The following PCDH15 variants were observed in gnomAD, a reference collection of about 807,000 sequenced individuals.
PCDH15 encodes the protein protocadherin related 15, also known as protocadherin-15.
PCDH15 carries 129 observed loss-of-function variants against 178.5 expected under a neutral mutation model. That is an observed-to-expected ratio of 0.72 (90% confidence interval 0.63 to 0.84). The LOEUF (loss-of-function observed/expected upper bound fraction) is 0.84, where lower values mean the gene tolerates loss of function less well. PCDH15 is among the 40% of genes least tolerant of loss of function. The pLI, the probability that PCDH15 is intolerant of heterozygous loss-of-function variation, is 0.00. For synonymous variants in PCDH15, 800 were observed against 732.0 expected (o/e 1.09, Z -1.50); for missense variants, 2,230 against 2,099.9 (o/e 1.06, Z -1.21).
At chr10:54,278,196 A>C (rs1051096613) in intron 8 of PCDH15, among the ~76,000 whole-genome samples, 9 of 151,652 alleles carry the variant, frequency 5.9e-5, no homozygotes, top group Non-Finnish European at 1.2e-4. Context: ...GGTCGATGTA[A>C]TTGGTTCTAC....
chr10:55,279,418 A>G (rs1032914398), intron 1 of PCDH15, among the ~76,000 whole-genome samples: 9 of 152,336 alleles, frequency 5.9e-5, no homozygotes, highest in Non-Finnish European at 1.3e-4. Flanking sequence ...AATAAATATT[A>G]GATTTCCTTT....
At chr10:54,621,716 G>A (rs976622774) in intron 2 of PCDH15, among the ~76,000 whole-genome samples, 9 of 151,608 alleles carry the variant, frequency 5.9e-5, no homozygotes, top group African/African-American at 1.9e-4. Context: ...ATTTTTCTCC[G>A]CACAATCTCA....
intron 8 of PCDH15, among the ~76,000 whole-genome samples, chr10:54,293,658 G>T (rs1034370758): frequency 1.3e-5 from 2 of 152,084 alleles, no homozygotes; most frequent in East Asian, 1.9e-4. Flanking sequence ...GTGGTCAAAG[G>T]CTATGAACAG....
At chr10:54,467,601 G>GTTTTTTTTTTTTTTTTTTTTTTTTTTTT (rs67776985) in intron 3 of PCDH15, among the ~76,000 whole-genome samples, 4 of 45,672 alleles carry the variant, frequency 8.8e-5, no homozygotes, top group Non-Finnish European at 1.5e-4. Context: ...TCAAGCTGTA[G>GTTTTTTTTTTTTTTTTTTTTTTTTTTTT]TTTTTTTTTT....
intron 2 of PCDH15, among the ~76,000 whole-genome samples, chr10:55,009,259 T>C (rs1455810482): frequency 1.3e-5 from 2 of 151,814 alleles, no homozygotes; most frequent in Non-Finnish European, 2.9e-5. Flanking sequence ...GATGTGTGTG[T>C]GTGTGTGTGT....
At chr10:54,339,014 A>G (rs72801247) in intron 6 of PCDH15, among the ~76,000 whole-genome samples, 17,166 of 152,036 alleles carry the variant, frequency 0.11, 1,046 homozygotes, top group Middle Eastern at 0.2. Flanking sequence ...ACTGCAGATC[A>G]TGTGATGACA....
chr10:54,310,211 C>A (rs922456232), intron 8 of PCDH15, among the ~76,000 whole-genome samples: 3 of 152,030 alleles, frequency 2.0e-5, no homozygotes, highest in African/African-American at 7.2e-5. Flanking sequence ...CCGTGGAATT[C>A]ATTTGGTGTA....
chr10:54,408,120 T>C (rs1165333277), intron 3 of PCDH15, among the ~76,000 whole-genome samples: 1 of 150,218 alleles, frequency 6.7e-6, no homozygotes, highest in African/African-American at 2.5e-5. Flanking sequence ...AAGGTAACCC[T>C]AGGAGTTTTC....
chr10:54,199,020 C>T (rs1591117824), intron 10 of PCDH15, among the ~76,000 whole-genome samples: 1 of 152,030 alleles, frequency 6.6e-6, no homozygotes, highest in South Asian at 2.1e-4. Flanking sequence ...GTATTATTTG[C>T]ATGATGAAAA....
intron 2 of PCDH15, among the ~76,000 whole-genome samples, chr10:54,630,129 T>A (rs1307314028): frequency 1.3e-5 from 2 of 151,652 alleles, no homozygotes; most frequent in African/African-American, 2.4e-5. Context: ...GAACTGGATC[T>A]ACCGACTACG....
At chr10:54,679,110 A>G (rs2135610701) in intron 1 of PCDH15, among the ~76,000 whole-genome samples, 1 of 150,636 alleles carries the variant, frequency 6.6e-6, no homozygotes, top group Admixed American at 6.6e-5. Context: ...GAATGGCGTG[A>G]ACCCAGGAGG....
At chr10:54,652,579 G>C (rs766745600) in intron 2 of PCDH15, among the ~76,000 whole-genome samples, 5 of 152,078 alleles carry the variant, frequency 3.3e-5, no homozygotes, top group Middle Eastern at 3.2e-3. Flanking sequence ...TTGGATATAG[G>C]GCTTTTGAAG....
chr10:55,177,467 T>C (rs549637690), intron 1 of PCDH15, among the ~76,000 whole-genome samples: 1 of 152,278 alleles, frequency 6.6e-6, no homozygotes, highest in Non-Finnish European at 1.5e-5. Flanking sequence ...TCCAGCAGCC[T>C]GTAGGCTATC....
chr10:54,049,463 C>T (rs1176359233), intron 18 of PCDH15, among the ~76,000 whole-genome samples: 1 of 152,104 alleles, frequency 6.6e-6, no homozygotes, highest in Non-Finnish European at 1.5e-5. Flanking sequence ...AAGGTGAATG[C>T]TTTCAGCATT....
At chr10:54,747,116 C>A (rs118145515) in intron 1 of PCDH15, among the ~76,000 whole-genome samples, 1 of 152,166 alleles carries the variant, frequency 6.6e-6, no homozygotes, top group Non-Finnish European at 1.5e-5. Context: ...TTAGCACATA[C>A]CACATTTCCA....
At chr10:54,825,133 T>C (rs1311870506) in intron 3 of PCDH15, among the ~76,000 whole-genome samples, 4 of 152,112 alleles carry the variant, frequency 2.6e-5, no homozygotes, top group East Asian at 1.9e-4. Context: ...GTTTGGTTTT[T>C]TGTCCTTGCG....
chr10:54,677,208 C>T (rs955334470), intron 1 of PCDH15, among the ~76,000 whole-genome samples: 5 of 152,052 alleles, frequency 3.3e-5, no homozygotes, highest in African/African-American at 1.2e-4. Flanking sequence ...CCAGTCTCTG[C>T]AGAATAGACA....
intron 2 of PCDH15, among the ~76,000 whole-genome samples, chr10:55,003,114 T>C (rs559853484): frequency 6.6e-6 from 1 of 152,298 alleles, no homozygotes; most frequent in African/African-American, 2.4e-5. Flanking sequence ...CTAAATTTTT[T>C]ATATGCCACA....
chr10:55,209,757 A>G (rs974718749), intron 1 of PCDH15, among the ~76,000 whole-genome samples: 30 of 152,214 alleles, frequency 2.0e-4, no homozygotes, highest in African/African-American at 7.2e-4. Context: ...TTTAAATAAC[A>G]TGAGTTTTAG....
Sources: allele counts gnomAD v4.1 joint callset (sites outside exome capture counted in the v4.1 genomes callset), GRCh38; gene constraint gnomAD v4.1.1; transcripts MANE v1.5; gene names NCBI Gene and HGNC (gene_info 2026-07-23, HGNC 2026-07-21).